PAX5: variants seen among roughly 807,000 people sequenced by gnomAD.
PAX5 encodes paired box 5.
A neutral mutation model predicts 43.7 loss-of-function variants in PAX5; 9 were observed. The ratio of observed to expected loss-of-function variants is 0.21; its 90% CI spans 0.12 to 0.36. The LOEUF (loss-of-function observed/expected upper bound fraction) is 0.36. PAX5 is among the 10% of genes least tolerant of loss of function. The pLI, the probability that PAX5 is intolerant of heterozygous loss-of-function variation, is 1.00. For synonymous variants in PAX5, 228 were observed against 214.3 expected (o/e 1.06, Z -0.56); for missense variants, 383 against 532.7 (o/e 0.72, Z 2.77).
intron 5 of PAX5, among the ~76,000 whole-genome samples, chr9:37,000,280 G>A (rs1837736983): frequency 6.6e-6 from 1 of 152,098 alleles, no homozygotes; most frequent in African/African-American, 2.4e-5. Context: ...CAGTGGTGTG[G>A]GGTAGGAGTT....
rs1174488836 is a variant in PAX5, at chr9:37,034,109, T to TC, written c.-79_-78insG. 26 of 817,936 alleles carry TC rather than the reference T, an allele frequency of 3.2e-5. No homozygotes were observed. The African/African-American group carries it at 3.2e-4, about 10-fold the overall frequency. 50.7% of individuals were successfully genotyped at this position (817,936 alleles called of 1,614,324 possible). A position where few individuals can be genotyped will look rare whatever the true frequency, so the allele number is the denominator to read the frequency against. The stretch of plus-strand genomic sequence containing the variant: ...GTGCCTTTTTTTTTCTTTTTTTTTT[T>TC]TTTTTTTTTTTTTTTTTGGTGCCAG... On this transcript the variant is annotated 5_prime_UTR_variant, in exon 1 of 10. Transcript: ENST00000358127.
intron 8 of PAX5, among the ~76,000 whole-genome samples, chr9:36,853,716 T>C (rs964439509): frequency 3.9e-5 from 6 of 152,176 alleles, no homozygotes; most frequent in Admixed American, 3.3e-4. Context: ...AGAACACTGA[T>C]TAAAATAAAA....
chr9:36,975,809 G>A (rs1471409599), intron 5 of PAX5, among the ~76,000 whole-genome samples: 1 of 152,182 alleles, frequency 6.6e-6, no homozygotes, highest in Non-Finnish European at 1.5e-5. Context: ...CATAACCCCT[G>A]ACACATAGTA....
intron 7 of PAX5, among the ~76,000 whole-genome samples, chr9:36,897,796 T>C (rs141408400): frequency 3.7e-4 from 57 of 152,332 alleles, no homozygotes; most frequent in African/African-American, 1.3e-3. Flanking sequence ...CTCATGTCCC[T>C]GATGACGAGA....
At chr9:36,997,282 A>G (rs549048179) in intron 5 of PAX5, among the ~76,000 whole-genome samples, 2 of 152,252 alleles carry the variant, frequency 1.3e-5, no homozygotes, top group Non-Finnish European at 2.9e-5. Context: ...CTACTGCCCA[A>G]AAAGAAACCT....
At chr9:36,866,967 AG>A (rs1164528931) in intron 8 of PAX5, among the ~76,000 whole-genome samples, 5 of 148,816 alleles carry the variant, frequency 3.4e-5, no homozygotes, top group Non-Finnish European at 5.9e-5. Context: ...GCCAAAGGCA[AG>A]GCCCTCGGCT....
rs141528522 is a variant in PAX5, at chr9:36,852,304, G to A, written c.1013-5375C>T. Among the ~76,000 whole-genome samples, 503 of 152,308 alleles carry A rather than the reference G, an allele frequency of 3.3e-3. 2 individuals are homozygous for A. The highest frequency in any genetic ancestry group is 0.012 in the African/African-American group (484 of 41,562). On this transcript the variant is annotated intron_variant, in intron 8 of 9. Coordinates refer to ENST00000358127, the MANE Select transcript of PAX5 (RefSeq NM_016734.3). ...GTGACAGAAAGAAATACAGAGCTGT[G>A]GAAGTGACAGAACCGGAAGGGATTG...
At chr9:36,937,250 C>G (rs1831634039) in intron 6 of PAX5, among the ~76,000 whole-genome samples, 1 of 152,134 alleles carries the variant, frequency 6.6e-6, no homozygotes, top group Non-Finnish European at 1.5e-5. Context: ...TGCAACAACC[C>G]TACAGGGTAA....
intron 6 of PAX5, among the ~76,000 whole-genome samples, chr9:36,935,596 C>T (rs1435309785): frequency 6.6e-6 from 1 of 152,224 alleles, no homozygotes; most frequent in East Asian, 1.9e-4. Flanking sequence ...AACTTCTGTC[C>T]GAGAGCAACT....
At chr9:37,011,601 C>G (rs144358127) in intron 3 of PAX5, among the ~76,000 whole-genome samples, 2 of 152,196 alleles carry the variant, frequency 1.3e-5, no homozygotes, top group African/African-American at 2.4e-5. Context: ...CCTCCCAGCA[C>G]GTTTGTCCAT....
chr9:36,963,103 G>A (rs373871914), intron 6 of PAX5, among the ~76,000 whole-genome samples: 26 of 152,344 alleles, frequency 1.7e-4, no homozygotes, highest in Middle Eastern at 3.4e-3. Flanking sequence ...GTGGGTGCAG[G>A]GCAGCCCCGT....
intron 6 of PAX5, among the ~76,000 whole-genome samples, chr9:36,942,990 C>G (rs1413429070): frequency 1.3e-5 from 2 of 152,238 alleles, no homozygotes; most frequent in African/African-American, 4.8e-5. Context: ...TCTTCCCGCT[C>G]TCCTTCTCTG....
At chr9:36,923,844 GA>G (rs954707518) in intron 6 of PAX5, among the ~76,000 whole-genome samples, 22 of 152,334 alleles carry the variant, frequency 1.4e-4, no homozygotes, top group African/African-American at 5.3e-4. Flanking sequence ...AAGCAAGGCA[GA>G]AATAAGTGTC....
At chr9:36,991,736 G>A (rs1249965239) in intron 5 of PAX5, among the ~76,000 whole-genome samples, 2 of 152,138 alleles carry the variant, frequency 1.3e-5, no homozygotes, top group Non-Finnish European at 2.9e-5. Context: ...CAGCAACTAA[G>A]CTGTCCTGGG....
At chr9:36,865,657 G>T (rs1824800607) in intron 8 of PAX5, among the ~76,000 whole-genome samples, 1 of 152,230 alleles carries the variant, frequency 6.6e-6, no homozygotes, top group South Asian at 2.1e-4. Context: ...CTCACTGGTG[G>T]TATAATTAAT....
chr9:36,953,592 G>T (rs1376129523), intron 6 of PAX5, among the ~76,000 whole-genome samples: 1 of 152,054 alleles, frequency 6.6e-6, no homozygotes, highest in Non-Finnish European at 1.5e-5. Context: ...CAAATTCTTG[G>T]TTTGGCTGTG....
At chr9:36,884,749 G>A (rs1051654325) in intron 7 of PAX5, among the ~76,000 whole-genome samples, 2 of 152,168 alleles carry the variant, frequency 1.3e-5, no homozygotes, top group African/African-American at 4.8e-5. Context: ...AAGAAAATTG[G>A]CTCATCTCCT....
intron 8 of PAX5, among the ~76,000 whole-genome samples, chr9:36,873,705 C>T (rs1825684919): frequency 6.6e-6 from 1 of 152,230 alleles, no homozygotes; most frequent in South Asian, 2.1e-4. Flanking sequence ...AGCACTGGTC[C>T]TCTCTCCATC....
chr9:36,855,578 C>G (rs961930661), intron 8 of PAX5, among the ~76,000 whole-genome samples: 1 of 152,188 alleles, frequency 6.6e-6, no homozygotes, highest in African/African-American at 2.4e-5. Context: ...GAGGGGGGTA[C>G]TGCAGTGCCC....
Sources: allele counts gnomAD v4.1 joint callset (sites outside exome capture counted in the v4.1 genomes callset), GRCh38; gene constraint gnomAD v4.1.1; transcripts MANE v1.5; gene names NCBI Gene and HGNC (gene_info 2026-07-23, HGNC 2026-07-21).